Variants in ITGAV observed in about 807,000 individuals in gnomAD.
ITGAV encodes the protein integrin alpha-V.
Under a neutral mutation model 143.8 loss-of-function variants are expected in ITGAV, and 76 were observed. The observed-to-expected ratio is 0.53, with a 90% CI of 0.44 to 0.64. ITGAV has a LOEUF of 0.64. Ranked by LOEUF, ITGAV falls within the 30% of genes least tolerant of loss-of-function variation. The pLI is 0.00. For missense variants in ITGAV, 1,193 were observed against 1,274.7 expected (o/e 0.94, Z 0.98); for synonymous variants, 453 against 446.7 (o/e 1.01, Z -0.18).
intron 12 of ITGAV, 191 bp downstream of exon 12, chr2:186,641,779 A>G: frequency 1.7e-6 from 1 of 581,784 alleles, no homozygotes; most frequent in Non-Finnish European, 3.1e-6. Context: ...CAAAGATTTC[A>G]ATAATGGACT....
intron 25 of ITGAV, 85 bp downstream of exon 25, chr2:186,669,005 A>G (rs1688989645): frequency 7.1e-6 from 9 of 1,267,658 alleles, no homozygotes. Flanking sequence ...ATAAAATAAA[A>G]CAACTATTTT....
rs1689301205 is a variant in ITGAV at position 186,679,633 on chromosome 2, T to G, written c.*2341T>G. The stretch of plus-strand genomic sequence containing the variant: ...GAAATGTAAAATTTTTATGATCTGA[T>G]TCAGTTTTAAGAAAACATGAATGAA... On this transcript the variant is annotated 3_prime_UTR_variant, in exon 30 of 30. Transcript: ENST00000261023. 5.9e-5 allele frequency: 9 copies of G among 152,014 alleles called. 2 individuals are homozygous for G. The highest frequency in any genetic ancestry group is 2.6e-4 in the Admixed American group (4 of 15,254). The allele number at this position is 152,014 out of a possible 1,614,324, so 9.4% of individuals were successfully genotyped here. A position where few individuals can be genotyped will look rare whatever the true frequency, so the allele number is the denominator to read the frequency against.
intron 16 of ITGAV, 144 bp from the exon 17 acceptor site, chr2:186,656,103 A>C (rs1210507165): frequency 2.0e-6 from 1 of 501,634 alleles, no homozygotes; most frequent in African/African-American, 2.0e-5. Context: ...TTGTAGTCTC[A>C]TTACAATGTA....
chr2:186,598,328 C>CAGAG (rs1553497983), intron 1 of ITGAV, among the ~76,000 whole-genome samples: 1 of 144,554 alleles, frequency 6.9e-6, no homozygotes, highest in African/African-American at 2.5e-5. Flanking sequence ...CACACACACA[C>CAGAG]AGAGTTTCAC....
At chr2:186,623,561 C>T (rs1687592235) in intron 3 of ITGAV, among the ~76,000 whole-genome samples, 1 of 152,208 alleles carries the variant, frequency 6.6e-6, no homozygotes. Context: ...CTAGCCTAAC[C>T]CATGGCTGTA....
chr2:186,610,914 C>T (rs566129072), intron 2 of ITGAV, among the ~76,000 whole-genome samples: 43 of 152,116 alleles, frequency 2.8e-4, no homozygotes, highest in Non-Finnish European at 3.7e-4. Flanking sequence ...TCTGTTTTGC[C>T]TTCATGGCTG....
rs564600595 is a variant in ITGAV at position 186,672,569 on chromosome 2, C to T, written c.2706+2755C>T. On this transcript the variant is annotated intron_variant, in intron 26 of 29. Coordinates refer to ENST00000261023, the MANE Select transcript of ITGAV (RefSeq NM_002210.5). Reference sequence around the variant, plus strand: ...TATGAGGGTCCTATTTTCTCCACATCTTTGTCAACACTTATTATTTTCTGC... The same window carrying T: ...TATGAGGGTCCTATTTTCTCCACATTTTTGTCAACACTTATTATTTTCTGC... Among the ~76,000 whole-genome samples the T allele has an allele frequency of 2.0e-5, 3 of 152,282 alleles. No individual in the cohort carries two copies. In the East Asian group the frequency reaches 5.8e-4, roughly 29 times the overall value.
At chr2:186,622,467 G>A (rs752779249) in intron 3 of ITGAV, 37 bp downstream of exon 3, 1 of 1,325,174 alleles carries the variant, frequency 7.5e-7, no homozygotes, top group East Asian at 2.3e-5. Flanking sequence ...GGTGATTTTA[G>A]TCAGTTTATG....
Position 186,590,088 on chromosome 2 carries a change from G to A in ITGAV, c.-251G>A, listed in dbSNP as rs201026553. The A allele has an allele frequency of 1.0e-5, 4 of 390,288 alleles. No homozygotes were observed. The highest frequency in any genetic ancestry group is 1.8e-5 in the Non-Finnish European group (4 of 222,996). 24.2% of individuals were successfully genotyped at this position (390,288 alleles called of 1,614,324 possible). ...AGCCTCAGACGCTGCGTGGAGCGGC[G>A]GAGCCGGAGGGAAGCAAAGGACCGT... On this transcript the variant is annotated 5_prime_UTR_variant, in exon 1 of 30. Coordinates refer to ENST00000261023, the MANE Select transcript of ITGAV (RefSeq NM_002210.5).
chr2:186,593,999 A>G (rs1261851176), intron 1 of ITGAV, among the ~76,000 whole-genome samples: 1 of 152,156 alleles, frequency 6.6e-6, no homozygotes, highest in African/African-American at 2.4e-5. Flanking sequence ...CTTTCCCCCC[A>G]TTAAACGCTA....
Position 186,661,831 on chromosome 2 carries a change from G to A in ITGAV, c.1858-1937G>A, listed in dbSNP as rs1038364230. Among the ~76,000 whole-genome samples, 8 of 151,842 alleles carry A rather than the reference G, an allele frequency of 5.3e-5. No individual in the cohort carries two copies. In the South Asian group the frequency reaches 6.2e-4, roughly 12 times the overall value. ...AGGACAGTCTTGATCTCCTGACCTC[G>A]TGATCCACCCACCTTGGCCTCCCAA... On this transcript the variant is annotated intron_variant, in intron 18 of 29. Transcript: ENST00000261023.
At chr2:186,674,540 C>T (rs930915935) in intron 26 of ITGAV, among the ~76,000 whole-genome samples, 5 of 151,804 alleles carry the variant, frequency 3.3e-5, no homozygotes, top group African/African-American at 1.2e-4. Context: ...AAGAAAGAGT[C>T]TAGCTCTGTC....
Position 186,679,649 on chromosome 2 carries a change from CATGA to C in ITGAV, c.*2363_*2366del, listed in dbSNP as rs1256467396. ...ATGATCTGATTCAGTTTTAAGAAAA[CATGA>C]ATGAACTAGAAGATATTAAAAACAT... On this transcript the variant is annotated 3_prime_UTR_variant, in exon 30 of 30. Coordinates refer to ENST00000261023, the MANE Select transcript of ITGAV (RefSeq NM_002210.5). 1.3e-5 allele frequency: 2 copies of C among 151,686 alleles called. No individual in the cohort carries two copies. Among genetic ancestry groups the C allele is most frequent in the African/African-American group, 2.4e-5 (1 of 41,362 alleles). The allele number at this position is 151,686 out of a possible 1,614,324, so 9.4% of individuals were successfully genotyped here. A position where few individuals can be genotyped will look rare whatever the true frequency, so the allele number is the denominator to read the frequency against.
At chr2:186,605,639 C>A (rs975696670) in intron 2 of ITGAV, among the ~76,000 whole-genome samples, 12 of 151,564 alleles carry the variant, frequency 7.9e-5, no homozygotes, top group African/African-American at 2.9e-4. Flanking sequence ...TGTCTGGTGC[C>A]CAGCACAAGT....
intron 2 of ITGAV, among the ~76,000 whole-genome samples, chr2:186,606,995 A>G (rs1687086038): frequency 6.6e-6 from 1 of 151,922 alleles, no homozygotes; most frequent in Non-Finnish European, 1.5e-5. Flanking sequence ...TATCCCTCCT[A>G]AACTTGATAC....
chr2:186,658,871 ATCT>A (rs1319720457), intron 17 of ITGAV, among the ~76,000 whole-genome samples, 164 bp from the exon 18 acceptor site: 1 of 152,148 alleles, frequency 6.6e-6, no homozygotes, highest in African/African-American at 2.4e-5. Flanking sequence ...GATAAGGATA[ATCT>A]TCTTTTGGAT....
At chr2:186,622,318 A>C in intron 2 of ITGAV, 21 bp from the exon 3 acceptor site, 1 of 1,520,224 alleles carries the variant, frequency 6.6e-7, no homozygotes, top group South Asian at 1.1e-5. Context: ...GTGTCTTACC[A>C]CTCACAATAT....
chr2:186,654,764 A>G lies in ITGAV; in HGVS notation c.1564+56A>G. The G allele has an allele frequency of 4.0e-5, 29 of 720,328 alleles. No homozygotes were observed. The South Asian group carries it at 5.1e-4, about 13-fold the overall frequency. The allele number at this position is 720,328 out of a possible 1,614,324, so 44.6% of individuals were successfully genotyped here. A position where few individuals can be genotyped will look rare whatever the true frequency, so the allele number is the denominator to read the frequency against. ...TAATGATACTGCATACACAGCACTT[A>G]AAAAATATTTTAAGATATTCAAATA... On this transcript the variant is annotated intron_variant, in intron 16 of 29. Transcript: ENST00000261023.
In ITGAV at chr2:186,649,877, C is replaced by CGGTG; in HGVS notation, c.1389_1390insGGTG (p.Leu464GlyfsTer16). 4 of 1,448,442 alleles carry CGGTG rather than the reference C, an allele frequency of 2.8e-6. No homozygotes were observed. Among genetic ancestry groups the CGGTG allele is most frequent in the African/African-American group, 1.9e-5 (1 of 52,020 alleles). 89.7% of individuals were successfully genotyped at this position (1,448,442 alleles called of 1,614,324 possible). On this transcript the variant is annotated frameshift_variant, in exon 14 of 30. Coordinates refer to ENST00000261023, the MANE Select transcript of ITGAV (RefSeq NM_002210.5). LOFTEE classifies it high-confidence loss of function. ...GAGCTTTTGGTGTAGATCGAGCTATCTTATACAGGTGAGCATTTTCTGTAT... is the reference window on the plus strand; with the variant it reads ...GAGCTTTTGGTGTAGATCGAGCTATCGGTGTTATACAGGTGAGCATTTTCTGTAT...
Sources: allele counts gnomAD v4.1 joint callset (sites outside exome capture counted in the v4.1 genomes callset), GRCh38; gene constraint gnomAD v4.1.1; transcripts MANE v1.5; gene names NCBI Gene and HGNC (gene_info 2026-07-23, HGNC 2026-07-21).